The following MIPOL1 variants were observed in gnomAD, a reference collection of about 807,000 sequenced individuals.
MIPOL1 encodes the protein mirror-image polydactyly 1.
In MIPOL1, 57 loss-of-function variants were observed where a neutral mutation model predicts 60.9. That is an observed-to-expected ratio of 0.94 (90% CI 0.76 to 1.17). The LOEUF is 1.17. Among genes scored for constraint, MIPOL1 ranks in the 50% most tolerant of loss-of-function variants. MIPOL1 has a pLI of 0.00. For synonymous variants in MIPOL1, 179 were observed against 168.8 expected, an observed-to-expected ratio of 1.06 and a Z score of -0.47; for missense variants, 551 against 511.6, an observed-to-expected ratio of 1.08 and a Z score of -0.74.
chr14:37,321,599 A>C (rs1830637160), intron 9 of MIPOL1, among the ~76,000 whole-genome samples: 1 of 152,020 alleles, frequency 6.6e-6, no homozygotes, highest in South Asian at 2.1e-4. Flanking sequence ...TAGACCAAAT[A>C]GGTTAATCGT....
intron 11 of MIPOL1, among the ~76,000 whole-genome samples, chr14:37,493,113 A>G (rs545219897): frequency 6.6e-6 from 1 of 152,334 alleles, no homozygotes; most frequent in South Asian, 2.1e-4. Flanking sequence ...TAGGATGATG[A>G]GTAAAATGAT....
chr14:37,344,836 G>A (rs1301074337), intron 9 of MIPOL1, among the ~76,000 whole-genome samples: 1 of 151,976 alleles, frequency 6.6e-6, no homozygotes, highest in Non-Finnish European at 1.5e-5. Context: ...TCGAGAACCA[G>A]CTGGGGCAAC....
chr14:37,455,838 C>G (rs1047355686), intron 11 of MIPOL1, among the ~76,000 whole-genome samples: 1 of 151,930 alleles, frequency 6.6e-6, no homozygotes. Context: ...TGGTGGTGTT[C>G]TGTGAAAATT....
rs367878841 is a variant in MIPOL1 at position 37,373,866 on chromosome 14, T to G, written c.936+4242T>G. Among the ~76,000 whole-genome samples the G allele has an allele frequency of 7.9e-5, 12 of 152,312 alleles. No homozygotes were observed. In the East Asian group the frequency reaches 1.7e-3, roughly 22 times the overall value. On this transcript the variant is annotated intron_variant, in intron 10 of 12. Transcript: ENST00000684589. ...CATAAGTGTGCATGTGTCTTTATAG[T>G]AGAATGATTTATAATCCTTTGGGTA...
At chr14:37,540,087 C>G (rs939261527) in intron 12 of MIPOL1, among the ~76,000 whole-genome samples, 1 of 152,216 alleles carries the variant, frequency 6.6e-6, no homozygotes, top group Non-Finnish European at 1.5e-5. Context: ...CCCAGCCAGG[C>G]TGAACTGTGA....
intron 1 of MIPOL1, among the ~76,000 whole-genome samples, chr14:37,224,146 G>C (rs1321561256): frequency 6.6e-6 from 1 of 152,084 alleles, no homozygotes; most frequent in African/African-American, 2.4e-5. Context: ...CTCTGAACTG[G>C]TTATAGGAAG....
At position 37,318,824 on chromosome 14, in the gene MIPOL1, TTTAG is replaced by T. The variant is rs1170957886; in HGVS notation, c.828+10325_828+10328del. Among the ~76,000 whole-genome samples the T allele has an allele frequency of 1.6e-3, 241 of 148,254 alleles. 2 individuals carry two copies. Among genetic ancestry groups the T allele is most frequent in the African/African-American group, 5.0e-3 (197 of 39,282 alleles). The stretch of plus-strand genomic sequence containing the variant: ...ATTTATTTATTTATTTATTTATTTA[TTTAG>T]TTAGTTAGTTAGTTAGTTAAGACAG... On this transcript the variant is annotated intron_variant, in intron 9 of 12. Coordinates refer to ENST00000684589, the MANE Select transcript of MIPOL1 (RefSeq NM_001388067.1).
chr14:37,340,460 T>C (rs895212945), intron 9 of MIPOL1, among the ~76,000 whole-genome samples: 2 of 152,114 alleles, frequency 1.3e-5, no homozygotes, highest in Non-Finnish European at 2.9e-5. Flanking sequence ...CCTGTAATCC[T>C]AGCACTTTGG....
chr14:37,230,905 C>T (rs1970523276), intron 1 of MIPOL1, among the ~76,000 whole-genome samples: 1 of 152,002 alleles, frequency 6.6e-6, no homozygotes, highest in Non-Finnish European at 1.5e-5. Context: ...TTTACCTATT[C>T]ATTATGTAAC....
chr14:37,431,231 CA>C (rs1445633705), intron 11 of MIPOL1, among the ~76,000 whole-genome samples: 2 of 152,200 alleles, frequency 1.3e-5, no homozygotes, highest in African/African-American at 4.8e-5. Context: ...TATAGGTCCA[CA>C]GGTGGCAATT....
At chr14:37,387,391 A>T (rs151179582) in intron 10 of MIPOL1, among the ~76,000 whole-genome samples, 3,096 of 152,046 alleles carry the variant, frequency 0.02, 45 homozygotes, top group Non-Finnish European at 0.03. Context: ...CTACTAAGGA[A>T]ACAATAATTT....
intron 11 of MIPOL1, chr14:37,434,570 G>C (rs2094132688): frequency 6.6e-6 from 1 of 151,484 alleles, no homozygotes. Context: ...CCCAAGGTGA[G>C]CACTAATTTA....
Position 37,550,692 on chromosome 14 carries a change from T to G in MIPOL1, c.*3721T>G, listed in dbSNP as rs950220331. 4 of 152,552 alleles carry G rather than the reference T, an allele frequency of 2.6e-5. No homozygotes were observed. Among genetic ancestry groups the G allele is most frequent in the African/African-American group, 9.7e-5 (4 of 41,446 alleles). 9.4% of individuals were successfully genotyped at this position (152,552 alleles called of 1,614,324 possible). ...TATTTTGCTCGTGCTTAGCTAAATA[T>G]GTCATCTCTAGAAAAGATGTGGTTT... On this transcript the variant is annotated 3_prime_UTR_variant, in exon 13 of 13. Coordinates refer to ENST00000684589, the MANE Select transcript of MIPOL1 (RefSeq NM_001388067.1).
chr14:37,537,955 G>A (rs951580322), intron 12 of MIPOL1, among the ~76,000 whole-genome samples: 1 of 152,076 alleles, frequency 6.6e-6, no homozygotes, highest in Non-Finnish European at 1.5e-5. Flanking sequence ...AGGTTATTAG[G>A]CTTTTTTTGA....
At chr14:37,200,464 G>C (rs1318198155) in intron 1 of MIPOL1, among the ~76,000 whole-genome samples, 3 of 152,182 alleles carry the variant, frequency 2.0e-5, no homozygotes, top group Non-Finnish European at 4.4e-5. Context: ...GGTGTGAGGG[G>C]AAAACTTTTA....
rs923319949 is a variant in MIPOL1, at chr14:37,541,205, G to A, written c.1263-5700G>A. Reference sequence around the variant, plus strand: ...AATTGCTTCTCTGACAGAGATCACAGTCTTATTCCAGCTCTTCTTGCTTTT... The same window carrying A: ...AATTGCTTCTCTGACAGAGATCACAATCTTATTCCAGCTCTTCTTGCTTTT... On this transcript the variant is annotated intron_variant, in intron 12 of 12. Transcript: ENST00000684589. Among the ~76,000 whole-genome samples the A allele has an allele frequency of 6.6e-5, 10 of 152,308 alleles. No individual in the cohort carries two copies. In the South Asian group the frequency reaches 2.1e-3, roughly 32 times the overall value.
chr14:37,366,906 C>A (rs1187528078), intron 9 of MIPOL1, among the ~76,000 whole-genome samples: 1 of 151,858 alleles, frequency 6.6e-6, no homozygotes, highest in Non-Finnish European at 1.5e-5. Context: ...TATATAATGA[C>A]CTTGTTTGTC....
At chr14:37,320,726 T>G (rs1233855994) in intron 9 of MIPOL1, among the ~76,000 whole-genome samples, 1 of 152,092 alleles carries the variant, frequency 6.6e-6, no homozygotes, top group East Asian at 1.9e-4. Flanking sequence ...AGAAGCTTGA[T>G]TATTTTAGCT....
At chr14:37,245,095 G>A (rs1249895481) in intron 1 of MIPOL1, among the ~76,000 whole-genome samples, 1 of 152,060 alleles carries the variant, frequency 6.6e-6, no homozygotes, top group Non-Finnish European at 1.5e-5. Flanking sequence ...ATTTAATCAG[G>A]ATAACACTGT....
Sources: allele counts gnomAD v4.1 joint callset (sites outside exome capture counted in the v4.1 genomes callset), GRCh38; gene constraint gnomAD v4.1.1; transcripts MANE v1.5; gene names NCBI Gene and HGNC (gene_info 2026-07-23, HGNC 2026-07-21).